Variants in SLC22A23 observed in about 807,000 individuals in gnomAD.
SLC22A23 encodes solute carrier family 22 member 23, also known as ion transporter protein.
A neutral mutation model predicts 61.0 loss-of-function variants in SLC22A23; 26 were observed. The observed-to-expected ratio is 0.43, with a 90% CI of 0.31 to 0.59. The LOEUF (loss-of-function observed/expected upper bound fraction) is 0.59. Ranked by LOEUF, SLC22A23 falls within the 20% of genes least tolerant of loss-of-function variation. The pLI, the probability that SLC22A23 is intolerant of heterozygous loss-of-function variation, is 0.11. For missense variants in SLC22A23, 796 were observed against 934.7 expected (o/e 0.85, Z 1.94); for synonymous variants, 430 against 413.9 (o/e 1.04, Z -0.47).
At chr6:3,447,046 C>T (rs1245960555) in intron 1 of SLC22A23, among the ~76,000 whole-genome samples, 4 of 152,204 alleles carry the variant, frequency 2.6e-5, no homozygotes, top group Non-Finnish European at 4.4e-5. Flanking sequence ...TTCAAAAATA[C>T]GAACTCTGAC....
rs926353408 is a variant in SLC22A23 at position 3,362,221 on chromosome 6, T to C, written c.914-38219A>G. Among the ~76,000 whole-genome samples the C allele has an allele frequency of 4.0e-4, 60 of 151,112 alleles. 1 individual carries two copies. The highest frequency in any genetic ancestry group is 1.3e-4 in the Non-Finnish European group (9 of 67,794). ...GAGTTCGAGACCAGCCTGGGCAACA[T>C]GGTGAAACCCCGTCTCTACTAAAAT... On this transcript the variant is annotated intron_variant, in intron 3 of 9. Transcript: ENST00000406686.
chr6:3,380,203 G>A (rs555539816), intron 3 of SLC22A23, among the ~76,000 whole-genome samples: 1 of 152,314 alleles, frequency 6.6e-6, no homozygotes, highest in African/African-American at 2.4e-5. Flanking sequence ...AACAAGGTGA[G>A]CAGGCTTTAG....
chr6:3,391,978 A>AGAT (rs1282912122), intron 3 of SLC22A23, among the ~76,000 whole-genome samples: 135 of 152,300 alleles, frequency 8.9e-4, no homozygotes, highest in African/African-American at 3.1e-3. Flanking sequence ...AAAGGGCCAA[A>AGAT]CCATGCAAGA....
chr6:3,430,196 T>C (rs946943133), intron 1 of SLC22A23, among the ~76,000 whole-genome samples: 11 of 152,180 alleles, frequency 7.2e-5, no homozygotes, highest in African/African-American at 2.7e-4. Flanking sequence ...ACAGTTGTCT[T>C]ACAGGTTATA....
At chr6:3,383,398 G>A (rs984952048) in intron 3 of SLC22A23, among the ~76,000 whole-genome samples, 13 of 152,238 alleles carry the variant, frequency 8.5e-5, no homozygotes, top group African/African-American at 2.7e-4. Context: ...CACCAAAGCC[G>A]GGTAGTGAGT....
At chr6:3,429,898 G>C (rs1770747556) in intron 1 of SLC22A23, among the ~76,000 whole-genome samples, 1 of 152,204 alleles carries the variant, frequency 6.6e-6, no homozygotes, top group Non-Finnish European at 1.5e-5. Flanking sequence ...GGGCTGGGGT[G>C]AGTGGGGATG....
rs1159921914 is a variant in SLC22A23 at position 3,454,055 on chromosome 6, T to C, written c.654+1851A>G. Among the ~76,000 whole-genome samples, 1 of 152,224 alleles carries C rather than the reference T, an allele frequency of 6.6e-6. No individual in the cohort carries two copies. Among genetic ancestry groups the C allele is most frequent in the Admixed American group, 6.5e-5 (1 of 15,282 alleles). ...GGCAGTCCTTTATTTAGATCTTTTT[T>C]GTCTGTGAAAATCAATATGTCCTTT... On this transcript the variant is annotated intron_variant, in intron 1 of 9. Coordinates refer to ENST00000406686, the MANE Select transcript of SLC22A23 (RefSeq NM_015482.2). The surrounding 1 kb of genome is among the most constrained non-coding windows in gnomAD (Gnocchi z 4.3).
intron 4 of SLC22A23, among the ~76,000 whole-genome samples, chr6:3,310,240 C>A (rs1037217268): frequency 6.8e-6 from 1 of 147,038 alleles, no homozygotes; most frequent in African/African-American, 2.7e-5. Flanking sequence ...CTGGAGCACC[C>A]TGTCTCCCAG....
chr6:3,300,657 A>G lies in SLC22A23; in HGVS notation c.1083-2439T>C, dbSNP rs920592026. ...GGTATTTTGTTGTAGCAGCAGGAAC[A>G]GACTGTGAGAAGCAGAAAATTTTTA... On this transcript the variant is annotated intron_variant, in intron 4 of 9. Coordinates refer to ENST00000406686, the MANE Select transcript of SLC22A23 (RefSeq NM_015482.2). 6.8e-4 allele frequency among the ~76,000 whole-genome samples: 103 copies of G among 152,250 alleles called. 2 individuals are homozygous for G. Among genetic ancestry groups the G allele is most frequent in the African/African-American group, 2.4e-3 (101 of 41,470 alleles).
At chr6:3,379,901 A>T (rs541776608) in intron 3 of SLC22A23, among the ~76,000 whole-genome samples, 1 of 152,168 alleles carries the variant, frequency 6.6e-6, no homozygotes, top group Non-Finnish European at 1.5e-5. Flanking sequence ...TTTCCCCAGT[A>T]TCAGGGATCT....
chr6:3,273,956 C>A (rs1318169677), intron 9 of SLC22A23, among the ~76,000 whole-genome samples: 1 of 152,172 alleles, frequency 6.6e-6, no homozygotes, highest in Non-Finnish European at 1.5e-5. Flanking sequence ...GTTGATGGCC[C>A]ACGTGTCTCC....
At chr6:3,277,190 C>T (rs940634587) in intron 9 of SLC22A23, among the ~76,000 whole-genome samples, 7 of 152,098 alleles carry the variant, frequency 4.6e-5, no homozygotes, top group African/African-American at 1.4e-4. Context: ...AACTGGGAGG[C>T]GAACAGGATG....
intron 4 of SLC22A23, among the ~76,000 whole-genome samples, chr6:3,310,293 G>A (rs1762286218): frequency 7.1e-6 from 1 of 140,612 alleles, no homozygotes; most frequent in Admixed American, 6.9e-5. Flanking sequence ...CTCCCAGGGA[G>A]CACCCTGTCT....
intron 3 of SLC22A23, among the ~76,000 whole-genome samples, chr6:3,346,878 T>C (rs1764468282): frequency 1.3e-5 from 2 of 152,152 alleles, no homozygotes; most frequent in African/African-American, 2.4e-5. Flanking sequence ...ACACAGAGCA[T>C]ATACCCCCTA....
chr6:3,351,407 C>T (rs1469470610), intron 3 of SLC22A23, among the ~76,000 whole-genome samples: 1 of 152,102 alleles, frequency 6.6e-6, no homozygotes, highest in Non-Finnish European at 1.5e-5. Context: ...TCAGCTAGTG[C>T]TGGCAGAAAG....
chr6:3,408,033 T>C (rs1440996234), intron 3 of SLC22A23, among the ~76,000 whole-genome samples: 1 of 152,246 alleles, frequency 6.6e-6, no homozygotes, highest in Non-Finnish European at 1.5e-5. Flanking sequence ...TTTCTGTAAA[T>C]AAAGTTTTAT....
chr6:3,350,328 T>C (rs1764691749), intron 3 of SLC22A23, among the ~76,000 whole-genome samples: 1 of 152,190 alleles, frequency 6.6e-6, no homozygotes. Context: ...AGGCTGCTGT[T>C]TTTGTACAAT....
At chr6:3,411,088 G>A (rs1005658465) in intron 2 of SLC22A23, among the ~76,000 whole-genome samples, 26 of 152,180 alleles carry the variant, frequency 1.7e-4, no homozygotes, top group African/African-American at 6.3e-4. Flanking sequence ...ACCACTAGGG[G>A]GCGATGTGCT....
chr6:3,362,088 A>AT (rs67832731), intron 3 of SLC22A23, among the ~76,000 whole-genome samples: 53,149 of 150,500 alleles, frequency 0.35, 9,616 homozygotes, highest in East Asian at 0.53. Flanking sequence ...GGAAAAATAA[A>AT]TTTTTTTTTT....
Sources: allele counts gnomAD v4.1 joint callset (sites outside exome capture counted in the v4.1 genomes callset), GRCh38; gene constraint gnomAD v4.1.1; non-coding constraint Gnocchi (gnomAD v3.1); transcripts MANE v1.5; gene names NCBI Gene and HGNC (gene_info 2026-07-23, HGNC 2026-07-21).